The following PTPRM variants were observed in gnomAD, a reference collection of about 807,000 sequenced individuals.
PTPRM encodes protein tyrosine phosphatase receptor type M, also known as receptor-type tyrosine-protein phosphatase mu.
Under a neutral mutation model 186.7 loss-of-function variants are expected in PTPRM, and 47 were observed. That is an observed-to-expected ratio of 0.25 (90% confidence interval 0.20 to 0.32). PTPRM has a LOEUF of 0.32. PTPRM is among the 10% of genes least tolerant of loss of function. The pLI is 1.00. For synonymous variants in PTPRM, 668 were observed against 674.9 expected (o/e 0.99, Z 0.16); for missense variants, 1,494 against 1,865.0 (o/e 0.80, Z 3.66).
intron 1 of PTPRM, among the ~76,000 whole-genome samples, chr18:7,771,782 C>T (rs2042279532): frequency 6.6e-6 from 1 of 152,140 alleles, no homozygotes; most frequent in South Asian, 2.1e-4. Flanking sequence ...AAAGCATGCT[C>T]ATCAGATTTG....
intron 7 of PTPRM, among the ~76,000 whole-genome samples, chr18:8,063,415 C>T (rs1380466197): frequency 6.6e-6 from 1 of 152,154 alleles, no homozygotes; most frequent in Non-Finnish European, 1.5e-5. Flanking sequence ...TCTTCTGCGT[C>T]GCTCACGCTG....
At chr18:8,218,864 T>C (rs538729023) in intron 14 of PTPRM, among the ~76,000 whole-genome samples, 1 of 152,334 alleles carries the variant, frequency 6.6e-6, no homozygotes, top group South Asian at 2.1e-4. Context: ...TTTCAGAACA[T>C]GTTCTTGGGA....
intron 14 of PTPRM, among the ~76,000 whole-genome samples, chr18:8,194,847 A>G (rs548624498): frequency 6.6e-6 from 1 of 152,312 alleles, no homozygotes; most frequent in South Asian, 2.1e-4. Flanking sequence ...AGTCAGCCCA[A>G]GACTTGGTGG....
chr18:8,063,716 C>T lies in PTPRM; in HGVS notation c.1133-5970C>T, dbSNP rs2088818810. ...GTAGTGGTGAAGTCTGAACTTTCAG[C>T]ATTCAACAAGCTTTTTACTTAAAAA... On this transcript the variant is annotated intron_variant, in intron 7 of 32. Coordinates refer to ENST00000580170, the MANE Select transcript of PTPRM (RefSeq NM_001105244.2). Among the ~76,000 whole-genome samples the T allele has an allele frequency of 3.3e-5, 5 of 152,128 alleles. No individual in the cohort carries two copies. In the South Asian group the frequency reaches 1.0e-3, roughly 32 times the overall value.
chr18:7,715,340 A>G (rs1206080446), intron 1 of PTPRM, among the ~76,000 whole-genome samples: 1 of 152,222 alleles, frequency 6.6e-6, no homozygotes, highest in Non-Finnish European at 1.5e-5. Flanking sequence ...TAAACTAGGT[A>G]TTGATGGAAA....
chr18:8,310,472 T>C (rs545916281), intron 20 of PTPRM, among the ~76,000 whole-genome samples: 2 of 149,124 alleles, frequency 1.3e-5, no homozygotes, highest in African/African-American at 5.0e-5. Context: ...CAACCTTCTT[T>C]GGTTTCCTGA....
At chr18:8,163,307 G>A (rs549702124) in intron 14 of PTPRM, among the ~76,000 whole-genome samples, 2 of 151,932 alleles carry the variant, frequency 1.3e-5, no homozygotes, top group Admixed American at 1.3e-4. Flanking sequence ...TTTTAACCTG[G>A]AACTTTCAGG....
At chr18:7,999,669 TATA>T (rs1157059607) in intron 7 of PTPRM, among the ~76,000 whole-genome samples, 1 of 151,860 alleles carries the variant, frequency 6.6e-6, no homozygotes, top group East Asian at 2.0e-4. Flanking sequence ...ACCAACCTAA[TATA>T]ATGTGTTGAT....
chr18:7,863,377 G>T (rs1268492617), intron 2 of PTPRM, among the ~76,000 whole-genome samples: 1 of 151,940 alleles, frequency 6.6e-6, no homozygotes, highest in East Asian at 1.9e-4. Flanking sequence ...AGGCCCTGGA[G>T]TGTGATGTTC....
rs577569261 is a variant in PTPRM, at chr18:8,280,488, T to A, written c.2755-15880T>A. ...CAGGAATGCTGAGAGGTCTCGCAAT[T>A]TGAGACCCGACCAAGGTTGGGCTGG... is the stretch of plus-strand genomic sequence containing the variant. On this transcript the variant is annotated intron_variant, in intron 19 of 32. Transcript: ENST00000580170. Among the ~76,000 whole-genome samples, 3 of 152,226 alleles carry A rather than the reference T, an allele frequency of 2.0e-5. No individual in the cohort carries two copies. The South Asian group carries it at 6.2e-4, about 32-fold the overall frequency.
chr18:8,107,055 CTCTT>C (rs1013339319), intron 11 of PTPRM, among the ~76,000 whole-genome samples: 9 of 152,292 alleles, frequency 5.9e-5, no homozygotes, highest in South Asian at 2.1e-4. Flanking sequence ...TGATAGTATT[CTCTT>C]TCTATTTTTA....
intron 1 of PTPRM, among the ~76,000 whole-genome samples, chr18:7,638,051 T>C (rs946199999): frequency 2.6e-5 from 4 of 152,176 alleles, no homozygotes; most frequent in African/African-American, 9.7e-5. Context: ...TCAGCTCTTA[T>C]ATGACTTGAG....
intron 31 of PTPRM, among the ~76,000 whole-genome samples, chr18:8,389,238 T>TC (rs2095796656): frequency 6.6e-6 from 1 of 151,920 alleles, no homozygotes; most frequent in Non-Finnish European, 1.5e-5. Context: ...AATGCATCGC[T>TC]CCCCCCGGGA....
intron 2 of PTPRM, among the ~76,000 whole-genome samples, chr18:7,859,038 G>T (rs2047221865): frequency 6.6e-6 from 1 of 152,174 alleles, no homozygotes; most frequent in Non-Finnish European, 1.5e-5. Flanking sequence ...GCCCCAAAGT[G>T]CAGGAAATAT....
chr18:7,900,410 G>A (rs76086431), intron 3 of PTPRM, among the ~76,000 whole-genome samples: 2,528 of 152,284 alleles, frequency 0.017, 28 homozygotes, highest in South Asian at 0.032. Flanking sequence ...AGATTTGGCC[G>A]TGGGCTGTAG....
At chr18:7,819,338 T>C (rs926626009) in intron 2 of PTPRM, among the ~76,000 whole-genome samples, 1 of 152,260 alleles carries the variant, frequency 6.6e-6, no homozygotes, top group African/African-American at 2.4e-5. Context: ...AGCTGCTGGA[T>C]GTTGAGAGGA....
chr18:8,158,778 C>T (rs1182243874), intron 14 of PTPRM, among the ~76,000 whole-genome samples: 1 of 152,178 alleles, frequency 6.6e-6, no homozygotes, highest in Non-Finnish European at 1.5e-5. Flanking sequence ...CACAAGCAGG[C>T]GTGTCCCATG....
At chr18:7,842,446 A>G (rs1471853774) in intron 2 of PTPRM, among the ~76,000 whole-genome samples, 1 of 152,194 alleles carries the variant, frequency 6.6e-6, no homozygotes, top group African/African-American at 2.4e-5. Context: ...TTGGCCAGGT[A>G]GTGGTGCCTA....
chr18:8,141,569 T>C (rs2092767892), intron 13 of PTPRM, among the ~76,000 whole-genome samples: 1 of 152,216 alleles, frequency 6.6e-6, no homozygotes, highest in Non-Finnish European at 1.5e-5. Context: ...GACCCTCCTC[T>C]ACTGAGTGTT....
Sources: allele counts gnomAD v4.1 joint callset (sites outside exome capture counted in the v4.1 genomes callset), GRCh38; gene constraint gnomAD v4.1.1; transcripts MANE v1.5; gene names NCBI Gene and HGNC (gene_info 2026-07-23, HGNC 2026-07-21).